AGBL1: variants seen among roughly 807,000 people sequenced by gnomAD.
AGBL1 encodes AGBL carboxypeptidase 1.
Under a neutral mutation model 118.9 loss-of-function variants are expected in AGBL1, and 130 were observed. The observed-to-expected ratio is 1.09, with a 90% confidence interval of 0.95 to 1.26. The LOEUF is 1.26. Among genes scored for constraint, AGBL1 ranks in the 50% most tolerant of loss-of-function variants. The pLI is 0.00. For missense variants in AGBL1, 1,584 were observed against 1,298.1 expected (o/e 1.22, Z -3.38); for synonymous variants, 555 against 478.9 (o/e 1.16, Z -2.08).
chr15:86,317,986 A>T (rs2080042835), intron 17 of AGBL1, among the ~76,000 whole-genome samples: 1 of 152,228 alleles, frequency 6.6e-6, no homozygotes, highest in Admixed American at 6.5e-5. Flanking sequence ...ATGAGTAAAA[A>T]GAATAGGTGG....
At chr15:86,960,659 G>T (rs2080983823) in intron 23 of AGBL1, among the ~76,000 whole-genome samples, 1 of 151,712 alleles carries the variant, frequency 6.6e-6, no homozygotes. Context: ...ATCCCCAAGA[G>T]ATATCTGCAC....
At chr15:86,597,632 C>G (rs28407315) in intron 21 of AGBL1, among the ~76,000 whole-genome samples, 3,746 of 152,170 alleles carry the variant, frequency 0.025, 130 homozygotes, top group African/African-American at 0.079. Flanking sequence ...GTATTCATGT[C>G]TTGTGGAAAT....
chr15:86,652,795 C>T (rs988928519), intron 21 of AGBL1, among the ~76,000 whole-genome samples: 4 of 152,106 alleles, frequency 2.6e-5, no homozygotes, highest in African/African-American at 9.7e-5. Context: ...GTGTGTAAAG[C>T]AGTGGTTTTA....
chr15:86,553,097 A>G (rs2083685713), intron 20 of AGBL1, among the ~76,000 whole-genome samples: 1 of 152,158 alleles, frequency 6.6e-6, no homozygotes, highest in Non-Finnish European at 1.5e-5. Context: ...TTAACTTGTT[A>G]TGCTTCTCTA....
rs143286364 is a variant in AGBL1 at position 86,578,002 on chromosome 15, C to T, written c.2994+23465C>T. Among the ~76,000 whole-genome samples the T allele has an allele frequency of 1.2e-3, 184 of 152,322 alleles. 3 individuals are homozygous for T. In the East Asian group the frequency reaches 0.031, roughly 25 times the overall value. On this transcript the variant is annotated intron_variant, in intron 21 of 22. Transcript: ENST00000614907. ...CCCCCACACAGAGTCCCTACTGGGGCACTGCCTAGTAAAGCTGTGAGAAGA... is the reference window on the plus strand; with the variant it reads ...CCCCCACACAGAGTCCCTACTGGGGTACTGCCTAGTAAAGCTGTGAGAAGA...
chr15:86,926,937 G>A (rs376820485), intron 23 of AGBL1, among the ~76,000 whole-genome samples: 140 of 151,936 alleles, frequency 9.2e-4, no homozygotes, highest in Middle Eastern at 3.4e-3. Context: ...TCAGGAGTTC[G>A]AGACTAATCT....
intron 22 of AGBL1, among the ~76,000 whole-genome samples, chr15:86,809,938 TAGG>T (rs2078766073): frequency 1.3e-5 from 2 of 152,122 alleles, no homozygotes; most frequent in Non-Finnish European, 1.5e-5. Flanking sequence ...AGCTTTTTAA[TAGG>T]ATAAATAATT....
intron 22 of AGBL1, among the ~76,000 whole-genome samples, chr15:86,827,142 A>C (rs559145375): frequency 6.7e-6 from 1 of 149,798 alleles, no homozygotes; most frequent in South Asian, 2.1e-4. Context: ...AGACTATTTG[A>C]GGGCTGTTAG....
chr15:86,580,196 C>G (rs1397414068), intron 21 of AGBL1, among the ~76,000 whole-genome samples: 1 of 152,152 alleles, frequency 6.6e-6, no homozygotes, highest in Non-Finnish European at 1.5e-5. Context: ...CACAGCTGAC[C>G]TTATCCATGT....
intron 1 of AGBL1, among the ~76,000 whole-genome samples, chr15:86,122,385 A>G (rs1953010304): frequency 6.6e-6 from 1 of 152,204 alleles, no homozygotes; most frequent in Non-Finnish European, 1.5e-5. Context: ...CCTCCAAGAG[A>G]TAGTGCTTAA....
At chr15:86,934,361 G>A (rs925598496) in intron 23 of AGBL1, among the ~76,000 whole-genome samples, 1 of 152,168 alleles carries the variant, frequency 6.6e-6, no homozygotes, top group South Asian at 2.1e-4. Context: ...TATTGGCCAA[G>A]AATAAGTCTT....
chr15:86,992,146 G>A (rs770362296), intron 24 of AGBL1, among the ~76,000 whole-genome samples: 4 of 151,942 alleles, frequency 2.6e-5, no homozygotes, highest in African/African-American at 4.8e-5. Context: ...ATGTCACATG[G>A]CAAGAGTGAA....
intron 22 of AGBL1, among the ~76,000 whole-genome samples, chr15:86,723,268 A>G (rs1005301924): frequency 1.3e-5 from 2 of 152,228 alleles, no homozygotes; most frequent in African/African-American, 4.8e-5. Flanking sequence ...TGTCCCAACA[A>G]TGATAGACTG....
intron 22 of AGBL1, among the ~76,000 whole-genome samples, chr15:86,676,110 C>T (rs1362265501): frequency 6.6e-6 from 1 of 152,118 alleles, no homozygotes; most frequent in Non-Finnish European, 1.5e-5. Flanking sequence ...AGAGGTCCTC[C>T]CATGACCTCT....
chr15:86,735,512 TC>T (rs1283766003), intron 22 of AGBL1, among the ~76,000 whole-genome samples: 2 of 152,042 alleles, frequency 1.3e-5, no homozygotes, highest in Non-Finnish European at 2.9e-5. Context: ...TATCTATCTA[TC>T]TATCTATAAA....
At chr15:86,475,187 G>A (rs1433392350) in intron 18 of AGBL1, among the ~76,000 whole-genome samples, 1 of 152,256 alleles carries the variant, frequency 6.6e-6, no homozygotes, top group African/African-American at 2.4e-5. Context: ...CCAAAGGAAC[G>A]CGACTCATTG....
At chr15:86,472,982 T>G (rs2082499789) in intron 18 of AGBL1, among the ~76,000 whole-genome samples, 1 of 152,210 alleles carries the variant, frequency 6.6e-6, no homozygotes, top group African/African-American at 2.4e-5. Context: ...TAATCACAGT[T>G]AATATTTTAA....
rs2079680133 is a variant in AGBL1, at chr15:86,298,248, TATATATATATA to T, written c.2374+2841_2374+2851del. On this transcript the variant is annotated intron_variant, in intron 17 of 22. Coordinates refer to ENST00000614907, the MANE Select transcript of AGBL1 (RefSeq NM_001386094.1). The stretch of plus-strand genomic sequence containing the variant: ...ATACAGGGTACGTGTCTGTGTATAA[TATATATATATA>T]TATATATATATATATATATATGGTA... 5.1e-4 allele frequency among the ~76,000 whole-genome samples: 24 copies of T among 46,736 alleles called. 2 individuals carry two copies. The highest frequency in any genetic ancestry group is 2.4e-3 in the East Asian group (4 of 1,684). The allele number at this position is 46,736 out of a possible 152,430, so 30.7% of individuals were successfully genotyped here. A position where few individuals can be genotyped will look rare whatever the true frequency, so the allele number is the denominator to read the frequency against.
At chr15:86,582,679 C>T (rs2084186848) in intron 21 of AGBL1, among the ~76,000 whole-genome samples, 1 of 152,040 alleles carries the variant, frequency 6.6e-6, no homozygotes, top group Non-Finnish European at 1.5e-5. Context: ...TACTATGCAG[C>T]CATGAAAAAG....
Sources: gnomAD v4.1 joint callset for allele counts (sites outside exome capture counted in the v4.1 genomes callset) on GRCh38, gnomAD v4.1.1 for gene constraint, MANE v1.5 for transcripts, NCBI Gene and HGNC (gene_info 2026-07-23, HGNC 2026-07-21) for gene names.